Variants in SHANK2 observed in about 807,000 individuals in gnomAD.
SHANK2 encodes SH3 and multiple ankyrin repeat domains 2.
In SHANK2, 43 loss-of-function variants were observed where a neutral mutation model predicts 133.7. That is an observed-to-expected ratio of 0.32 (90% CI 0.25 to 0.41). The LOEUF (loss-of-function observed/expected upper bound fraction) is 0.41, where lower values mean the gene tolerates loss of function less well. Ranked by LOEUF, SHANK2 falls within the 10% of genes least tolerant of loss-of-function variation. SHANK2 has a pLI of 1.00. For synonymous variants in SHANK2, 1,017 were observed against 952.8 expected (o/e 1.07, Z -1.24); for missense variants, 1,994 against 2,235.8 (o/e 0.89, Z 2.18).
chr11:70,777,650 T>A lies in SHANK2; in HGVS notation c.1777+20793A>T, dbSNP rs1947395323. On this transcript the variant is annotated intron_variant, in intron 14 of 25. Coordinates refer to ENST00000601538, the MANE Select transcript of SHANK2 (RefSeq NM_012309.5). Reference sequence around the variant, plus strand: ...GTATCCTCCTGATTCTTGGCTCTCATGGAGGGTAGTAAACCTTGATCAATT... The same window carrying A: ...GTATCCTCCTGATTCTTGGCTCTCAAGGAGGGTAGTAAACCTTGATCAATT... Among the ~76,000 whole-genome samples, 3 of 152,348 alleles carry A rather than the reference T, an allele frequency of 2.0e-5. No individual in the cohort carries two copies. The South Asian group carries it at 6.2e-4, about 32-fold the overall frequency.
intron 21 of SHANK2, among the ~76,000 whole-genome samples, chr11:70,499,649 A>G (rs531278342): frequency 6.6e-6 from 1 of 152,342 alleles, no homozygotes; most frequent in East Asian, 1.9e-4. Flanking sequence ...CGACATAGAA[A>G]GAAGGGTATT....
intron 17 of SHANK2, among the ~76,000 whole-genome samples, chr11:70,619,288 G>A (rs1443203903): frequency 6.6e-6 from 1 of 152,246 alleles, no homozygotes; most frequent in Non-Finnish European, 1.5e-5. Flanking sequence ...GGCTGAGAGA[G>A]CGGCGTTGGC....
chr11:71,094,157 G>A (rs1951565653), intron 7 of SHANK2, among the ~76,000 whole-genome samples: 2 of 152,060 alleles, frequency 1.3e-5, no homozygotes, highest in African/African-American at 4.8e-5. Context: ...GGGTCATGGG[G>A]GCGGATTCTC....
At chr11:70,579,483 T>C (rs781946693) in intron 17 of SHANK2, among the ~76,000 whole-genome samples, 15 of 152,076 alleles carry the variant, frequency 9.9e-5, no homozygotes, top group Non-Finnish European at 2.2e-4. Flanking sequence ...TCTTGGGTGA[T>C]GGTATGAATG....
intron 10 of SHANK2, among the ~76,000 whole-genome samples, chr11:70,912,377 C>T (rs1433754062): frequency 1.3e-5 from 2 of 152,106 alleles, no homozygotes; most frequent in African/African-American, 4.8e-5. Context: ...TCCCAGAATT[C>T]CTACATGTTG....
rs1591476322 is a variant in SHANK2 at position 70,476,129 on chromosome 11, G to A, written c.4980-2690C>T. Among the ~76,000 whole-genome samples the A allele has an allele frequency of 4.6e-5, 7 of 152,172 alleles. No homozygotes were observed. In the South Asian group the frequency reaches 1.4e-3, roughly 32 times the overall value. On this transcript the variant is annotated intron_variant, in intron 25 of 25. Coordinates refer to ENST00000601538, the MANE Select transcript of SHANK2 (RefSeq NM_012309.5). ...CTGTAATCCCAGCTACTGGGAGGCT[G>A]AGGCAGGAGAATTGCTTGAACCCAG...
chr11:71,178,216 G>A (rs1555113341), intron 2 of SHANK2, among the ~76,000 whole-genome samples: 1 of 152,220 alleles, frequency 6.6e-6, no homozygotes, highest in Non-Finnish European at 1.5e-5. Context: ...TAAATAGAAT[G>A]TGGTCTATTC....
At chr11:70,508,763 C>A (rs1203496156) in intron 17 of SHANK2, among the ~76,000 whole-genome samples, 3 of 152,158 alleles carry the variant, frequency 2.0e-5, no homozygotes, top group Admixed American at 2.0e-4. Context: ...CTGGTGTGTG[C>A]CTGTGGTCCC....
chr11:70,678,532 CTTTTTTTT>C (rs34446408), intron 15 of SHANK2, among the ~76,000 whole-genome samples: 1 of 77,040 alleles, frequency 1.3e-5, no homozygotes, highest in African/African-American at 4.9e-5. Flanking sequence ...TAAGAACAGG[CTTTTTTTT>C]TTTTTTTTTT....
At chr11:70,713,911 G>A (rs1945853089) in intron 14 of SHANK2, among the ~76,000 whole-genome samples, 1 of 152,236 alleles carries the variant, frequency 6.6e-6, no homozygotes, top group African/African-American at 2.4e-5. Context: ...AGCGATCTGT[G>A]CCAGTGTCCA....
intron 17 of SHANK2, among the ~76,000 whole-genome samples, chr11:70,556,523 C>A (rs996841561): frequency 6.6e-6 from 1 of 151,862 alleles, no homozygotes; most frequent in Admixed American, 6.6e-5. Flanking sequence ...TCAAGTGATC[C>A]TCCTGCCTTA....
chr11:71,178,383 C>T (rs1590991753), intron 2 of SHANK2, among the ~76,000 whole-genome samples: 1 of 152,104 alleles, frequency 6.6e-6, no homozygotes, highest in Non-Finnish European at 1.5e-5. Flanking sequence ...TAGCCAAATT[C>T]GTAAAGCCAG....
At chr11:71,166,462 A>T (rs1953151445) in intron 2 of SHANK2, among the ~76,000 whole-genome samples, 1 of 151,564 alleles carries the variant, frequency 6.6e-6, no homozygotes, top group Non-Finnish European at 1.5e-5. Context: ...TTTACCTTCC[A>T]ATCCACACGT....
intron 15 of SHANK2, among the ~76,000 whole-genome samples, chr11:70,665,604 A>G (rs1944665001): frequency 6.6e-6 from 1 of 152,202 alleles, no homozygotes; most frequent in Admixed American, 6.5e-5. Context: ...CAGGATCTAA[A>G]CAGCCCCCAC....
At chr11:70,874,674 TAA>T (rs34587004) in intron 11 of SHANK2, among the ~76,000 whole-genome samples, 193 of 114,168 alleles carry the variant, frequency 1.7e-3, no homozygotes, top group African/African-American at 5.8e-3. Flanking sequence ...CTGCATTTAC[TAA>T]AAAAAAAAAA....
intron 25 of SHANK2, among the ~76,000 whole-genome samples, chr11:70,482,893 G>C (rs2058754983): frequency 6.6e-6 from 1 of 152,144 alleles, no homozygotes; most frequent in Non-Finnish European, 1.5e-5. Context: ...GCTGCAAGTT[G>C]GGGTCCCACT....
At chr11:71,136,420 T>C (rs578222832) in intron 3 of SHANK2, among the ~76,000 whole-genome samples, 214 of 152,276 alleles carry the variant, frequency 1.4e-3, no homozygotes, top group African/African-American at 5.0e-3. Context: ...TTCTCACTTA[T>C]AAGTGGAAGC....
chr11:71,230,004 CA>C, intron 1 of SHANK2, among the ~76,000 whole-genome samples: 1 of 152,170 alleles, frequency 6.6e-6, no homozygotes, highest in Admixed American at 6.5e-5. Flanking sequence ...AAAATCTCAG[CA>C]AAATTTTTTT....
intron 10 of SHANK2, among the ~76,000 whole-genome samples, chr11:70,925,025 A>T (rs1450301955): frequency 3.9e-5 from 6 of 152,104 alleles, no homozygotes; most frequent in African/African-American, 1.4e-4. Flanking sequence ...TGCGCACTCT[A>T]AGCTTCCCTC....
Sources: gnomAD v4.1 joint callset for allele counts (sites outside exome capture counted in the v4.1 genomes callset) on GRCh38, gnomAD v4.1.1 for gene constraint, MANE v1.5 for transcripts, NCBI Gene and HGNC (gene_info 2026-07-23, HGNC 2026-07-21) for gene names.